ZNF556: variants seen among roughly 807,000 people sequenced by gnomAD.
ZNF556 encodes the protein zinc finger protein 556.
ZNF556 carries 11 observed loss-of-function variants against 13.6 expected under a neutral mutation model. The ratio of observed to expected loss-of-function variants is 0.81; its 90% CI spans 0.51 to 1.33. The LOEUF (loss-of-function observed/expected upper bound fraction) is 1.33. Ranked by LOEUF, ZNF556 falls within the 40% of genes most tolerant of loss-of-function variation. The pLI, the probability that ZNF556 is intolerant of heterozygous loss-of-function variation, is 0.00. For synonymous variants in ZNF556, 229 were observed against 207.8 expected (o/e 1.10, Z -0.88); for missense variants, 633 against 566.2 (o/e 1.12, Z -1.20).
In ZNF556 at chr19:2,878,520, C is replaced by G. The variant is rs952316927; in HGVS notation, c.*191C>G. The G allele has an allele frequency of 2.0e-6, 1 of 491,244 alleles. No individual in the cohort carries two copies. Among genetic ancestry groups the G allele is most frequent in the Non-Finnish European group, 3.5e-6 (1 of 283,952 alleles). 30.4% of individuals were successfully genotyped at this position (491,244 alleles called of 1,614,324 possible). A position where few individuals can be genotyped will look rare whatever the true frequency, so the allele number is the denominator to read the frequency against. On this transcript the variant is annotated 3_prime_UTR_variant, in exon 4 of 4. Coordinates refer to ENST00000307635, the MANE Select transcript of ZNF556 (RefSeq NM_024967.3). The stretch of plus-strand genomic sequence containing the variant: ...GTCTCTACTAAAAAAAAAAAAAATA[C>G]AAAAAATTAGCCGGGCGTGGTGGCG...
rs185185822 is a variant in ZNF556 at position 2,877,702 on chromosome 19, A to T, written c.744A>T (p.Ala248=). ...KGFSCPKSFR[A]HVMMHAGGRP... is the part of the protein sequence containing the mutation. ...TCAGTTGTCCCAAATCCTTTCGCGC[A>T]CATGTGATGATGCACGCCGGAGGGA... Residue 248 remains alanine, a synonymous_variant, in exon 4 of 4, where the codon GCA becomes GCT. Coordinates refer to ENST00000307635, the MANE Select transcript of ZNF556 (RefSeq NM_024967.3). 2 of 1,613,980 alleles carry T rather than the reference A, an allele frequency of 1.2e-6. No individual in the cohort carries two copies. Among genetic ancestry groups the T allele is most frequent in the Non-Finnish European group, 1.7e-6 (2 of 1,180,020 alleles).
intron 2 of ZNF556, chr19:2,875,143 C>T (rs1477419678): frequency 6.6e-6 from 1 of 152,592 alleles, no homozygotes; most frequent in Non-Finnish European, 1.5e-5. Flanking sequence ...AAGCATGTCT[C>T]TTACCCAAAT....
rs369038351 is a variant in ZNF556 at position 2,876,225 on chromosome 19, G to T, written c.263G>T (p.Trp88Leu). Reference protein sequence around the residue: ...NIWASLLGKNWEEHSVKDKHN... With the variant: ...NIWASLLGKNLEEHSVKDKHN... ...TGGGCCTCCCTTTTAGGAAAAAATTGGGAAGAACATAGCGTTAAAGACAAG... is the reference window on the plus strand; with the variant it reads ...TGGGCCTCCCTTTTAGGAAAAAATTTGGAAGAACATAGCGTTAAAGACAAG... The change falls in exon 3 of 4, where the codon TGG becomes TTG. Residue 88 changes from tryptophan to leucine, a missense_variant. Coordinates refer to ENST00000307635, the MANE Select transcript of ZNF556 (RefSeq NM_024967.3). The T allele has an allele frequency of 1.4e-4, 222 of 1,609,260 alleles. No individual in the cohort carries two copies. The highest frequency in any genetic ancestry group is 1.8e-4 in the Non-Finnish European group (208 of 1,178,600).
rs1486692095 is a variant in ZNF556 at position 2,881,795 on chromosome 19, A to G, written c.*3466A>G. Reference sequence around the variant, plus strand: ...TCAAGAACTGCTCATGAGTTAGGAAATAGTGAGCAGTAATACAGAAATAAC... The same window carrying G: ...TCAAGAACTGCTCATGAGTTAGGAAGTAGTGAGCAGTAATACAGAAATAAC... On this transcript the variant is annotated 3_prime_UTR_variant, in exon 4 of 4. Transcript: ENST00000307635. 6.6e-6 allele frequency: 1 copy of G among 152,046 alleles called. No individual in the cohort carries two copies. The highest frequency in any genetic ancestry group is 1.5e-5 in the Non-Finnish European group (1 of 68,016). The allele number at this position is 152,046 out of a possible 1,614,324, so 9.4% of individuals were successfully genotyped here.
At chr19:2,869,408 C>T (rs528217324) in intron 1 of ZNF556, among the ~76,000 whole-genome samples, 3 of 152,112 alleles carry the variant, frequency 2.0e-5, no homozygotes, top group African/African-American at 7.2e-5. Context: ...GCTCTGTCAC[C>T]GACGCTGGAG....
intron 1 of ZNF556, among the ~76,000 whole-genome samples, chr19:2,872,749 G>A (rs1469488855): frequency 6.6e-6 from 1 of 150,784 alleles, no homozygotes; most frequent in Non-Finnish European, 1.5e-5. Context: ...AACCCGGGAG[G>A]TGGAGGTTGC....
chr19:2,868,300 G>T (rs1338986895), intron 1 of ZNF556, among the ~76,000 whole-genome samples: 2 of 151,750 alleles, frequency 1.3e-5, no homozygotes, highest in Admixed American at 1.3e-4. Context: ...ATTCCTACAA[G>T]AAAAAAATGT....
Position 2,877,454 on chromosome 19 carries a change from A to G in ZNF556, c.496A>G (p.Lys166Glu), listed in dbSNP as rs1291785000. 9.3e-6 allele frequency: 15 copies of G among 1,614,206 alleles called. No individual in the cohort carries two copies. The South Asian group carries it at 1.3e-4, about 14-fold the overall frequency. Residue 166 changes from lysine to glutamate, a missense_variant, in exon 4 of 4, where the codon AAA becomes GAA. By Grantham distance (56) the Lys-to-Glu change is moderately conservative. Coordinates refer to ENST00000307635, the MANE Select transcript of ZNF556 (RefSeq NM_024967.3). ...CCATTCCTCATCCCTGATAAGGCAC[A>G]AAAGAGCTCACTCTGGACAAAAATT... ...FTHSSSLIRH[K>E]RAHSGQKLYK...
At chr19:2,876,551 C>G (rs2087854374) in intron 3 of ZNF556, among the ~76,000 whole-genome samples, 1 of 152,020 alleles carries the variant, frequency 6.6e-6, no homozygotes, top group Admixed American at 6.6e-5. Flanking sequence ...GAAACCCTGT[C>G]TCTACTAAAA....
At position 2,883,257 on chromosome 19, in the gene ZNF556, T is replaced by G. The variant is rs1054208306; in HGVS notation, c.*4928T>G. On this transcript the variant is annotated 3_prime_UTR_variant, in exon 4 of 4. Transcript: ENST00000307635. ...GAGTAACATCCCAATGTATTTGTCA[T>G]CCTTTAATTAATTTTTATTTTTTTA... The G allele has an allele frequency of 6.6e-6, 1 of 152,216 alleles. No individual in the cohort carries two copies. The highest frequency in any genetic ancestry group is 1.5e-5 in the Non-Finnish European group (1 of 68,046). The allele number at this position is 152,216 out of a possible 1,614,324, so 9.4% of individuals were successfully genotyped here.
At chr19:2,871,718 T>A (rs1254649351) in intron 1 of ZNF556, among the ~76,000 whole-genome samples, 3 of 152,182 alleles carry the variant, frequency 2.0e-5, no homozygotes, top group Non-Finnish European at 2.9e-5. Flanking sequence ...TCTCCCCATG[T>A]GCAGAGACAA....
chr19:2,870,395 C>T (rs372310615), intron 1 of ZNF556, among the ~76,000 whole-genome samples: 7 of 151,956 alleles, frequency 4.6e-5, no homozygotes, highest in East Asian at 1.9e-4. Context: ...AAGGCTGCGG[C>T]GAGTTCTCAT....
intron 1 of ZNF556, among the ~76,000 whole-genome samples, chr19:2,868,724 T>TTG (rs1245525213): frequency 7.1e-5 from 9 of 127,256 alleles, no homozygotes; most frequent in Non-Finnish European, 1.3e-4. Context: ...CTAGCTAATT[T>TTG]TTTTTTTTTT....
chr19:2,877,510 C>T lies in ZNF556; in HGVS notation c.552C>T (p.Phe184=), dbSNP rs1362582491. The change falls in exon 4 of 4, where the codon TTC becomes TTT. Residue 184 remains phenylalanine (F), a synonymous_variant. Transcript: ENST00000307635. ...LYKCKECGKA[F]SRPSYLQTHE... is the part of the protein sequence containing the mutation. ...AATGTAAGGAATGTGGGAAAGCCTTCAGTCGCCCTTCCTACCTACAGACGC... is the reference window on the plus strand; with the variant it reads ...AATGTAAGGAATGTGGGAAAGCCTTTAGTCGCCCTTCCTACCTACAGACGC... 6.2e-7 allele frequency: 1 copy of T among 1,614,206 alleles called. No individual in the cohort carries two copies. The highest frequency in any genetic ancestry group is 8.5e-7 in the Non-Finnish European group (1 of 1,180,048).
Position 2,877,833 on chromosome 19 carries a change from G to C in ZNF556, c.875G>C (p.Cys292Ser), listed in dbSNP as rs779279587. 49 of 1,614,124 alleles carry C rather than the reference G, an allele frequency of 3.0e-5. No homozygotes were observed. The highest frequency in any genetic ancestry group is 4.0e-5 in the African/African-American group (3 of 74,936). The change falls in exon 4 of 4, where the codon TGT (cysteine) becomes TCT (serine). Residue 292 changes from cysteine (C) to serine (S), a missense_variant. By Grantham distance (112) the Cys-to-Ser change is moderately radical (BLOSUM62 -1). Transcript: ENST00000307635. The part of the protein sequence containing the change: ...AGGRPYECKQ[C>S]GKAYCWATSF... ...GGGAGACCGTATGAGTGCAAGCAGT[G>C]TGGGAAAGCCTACTGCTGGGCAACA...
rs564497773 is a variant in ZNF556, at chr19:2,869,422, A to G, written c.3+1998A>G. On this transcript the variant is annotated intron_variant, in intron 1 of 3. Transcript: ENST00000307635. ...TGCTCTGTCACCGACGCTGGAGTGCAGTGGCGCGATCTCAGCTCACTGCAA... is the reference window on the plus strand; with the variant it reads ...TGCTCTGTCACCGACGCTGGAGTGCGGTGGCGCGATCTCAGCTCACTGCAA... Among the ~76,000 whole-genome samples, 10 of 152,128 alleles carry G rather than the reference A, an allele frequency of 6.6e-5. No individual in the cohort carries two copies. The East Asian group carries it at 1.9e-3, about 29-fold the overall frequency.
intron 1 of ZNF556, among the ~76,000 whole-genome samples, chr19:2,868,160 C>A (rs2087773163): frequency 6.6e-6 from 1 of 150,752 alleles, no homozygotes; most frequent in Admixed American, 6.6e-5. Context: ...TTTCTCACAT[C>A]TGTTGTTTTA....
chr19:2,878,408 C>T lies in ZNF556; in HGVS notation c.*79C>T, dbSNP rs570607705. 107 of 1,427,168 alleles carry T rather than the reference C, an allele frequency of 7.5e-5. 2 individuals are homozygous for T. Among genetic ancestry groups the T allele is most frequent in the African/African-American group, 4.7e-4 (33 of 70,004 alleles). 88.4% of individuals were successfully genotyped at this position (1,427,168 alleles called of 1,614,324 possible). Reference sequence around the variant, plus strand: ...CAGGAGGGCCGGGCGCAGTGGCTCACGCCTGTAATCCCAGCACTTTGGGAG... The same window carrying T: ...CAGGAGGGCCGGGCGCAGTGGCTCATGCCTGTAATCCCAGCACTTTGGGAG... On this transcript the variant is annotated 3_prime_UTR_variant, in exon 4 of 4. Coordinates refer to ENST00000307635, the MANE Select transcript of ZNF556 (RefSeq NM_024967.3).
chr19:2,870,409 G>A lies in ZNF556; in HGVS notation c.3+2985G>A, dbSNP rs146044286. Among the ~76,000 whole-genome samples, 6 of 152,050 alleles carry A rather than the reference G, an allele frequency of 3.9e-5. No homozygotes were observed. The East Asian group carries it at 9.7e-4, about 25-fold the overall frequency. ...CAAGGCTGCGGCGAGTTCTCATTGCGCCATTGCACTCCAGCCTGCACAGCA... is the reference window on the plus strand; with the variant it reads ...CAAGGCTGCGGCGAGTTCTCATTGCACCATTGCACTCCAGCCTGCACAGCA... On this transcript the variant is annotated intron_variant, in intron 1 of 3. Coordinates refer to ENST00000307635, the MANE Select transcript of ZNF556 (RefSeq NM_024967.3).
Sources: gnomAD v4.1 joint callset for allele counts (sites outside exome capture counted in the v4.1 genomes callset) on GRCh38, gnomAD v4.1.1 for gene constraint, MANE v1.5 for transcripts, NCBI Gene and HGNC (gene_info 2026-07-23, HGNC 2026-07-21) for gene names.